Variants in LSM11 observed in about 807,000 individuals in gnomAD.
The protein encoded by LSM11 is LSM11, U7 small nuclear RNA associated.
Under a neutral mutation model 28.1 loss-of-function variants are expected in LSM11, and 14 were observed. That is an observed-to-expected ratio of 0.50 (90% confidence interval 0.33 to 0.78). LSM11 has a LOEUF of 0.78. LSM11 is among the 30% of genes least tolerant of loss of function. The pLI is 0.02. For synonymous variants in LSM11, 207 were observed against 214.2 expected (o/e 0.97, Z 0.30); for missense variants, 495 against 510.6 (o/e 0.97, Z 0.30).
intron 2 of LSM11, among the ~76,000 whole-genome samples, chr5:157,751,760 G>C (rs1360830276): frequency 2.0e-5 from 3 of 152,102 alleles, no homozygotes; most frequent in African/African-American, 7.2e-5. Context: ...TCACTCCCAG[G>C]AACATTCATC....
At chr5:157,752,711 T>G (rs1347052354) in intron 2 of LSM11, among the ~76,000 whole-genome samples, 1 of 151,460 alleles carries the variant, frequency 6.6e-6, no homozygotes, top group Non-Finnish European at 1.5e-5. Flanking sequence ...CCAGACATGG[T>G]GGCACAAGCT....
intron 1 of LSM11, among the ~76,000 whole-genome samples, chr5:157,750,849 T>G (rs540545677): frequency 6.6e-6 from 1 of 152,264 alleles, no homozygotes; most frequent in South Asian, 2.1e-4. Flanking sequence ...TGGTGCGATC[T>G]CGGCTCACTG....
chr5:157,746,320 G>T (rs1427323498), intron 1 of LSM11, among the ~76,000 whole-genome samples: 5 of 152,138 alleles, frequency 3.3e-5, no homozygotes, highest in Admixed American at 3.3e-4. Context: ...GTTCCATCAG[G>T]CTGTAACAGC....
rs752588261 is a variant in LSM11, at chr5:157,744,170, G to C, written c.420G>C (p.Ala140=). The part of the protein sequence containing the change: ...GRRGPGRSRK[A]PRNVLTRMPL... ...GGGGTCCGGGTCGGAGCAGGAAGGCGCCACGCAACGTGCTCACGCGAATGC... is the reference window on the plus strand; with the variant it reads ...GGGGTCCGGGTCGGAGCAGGAAGGCCCCACGCAACGTGCTCACGCGAATGC... Residue 140 remains alanine (A), a synonymous_variant, in exon 1 of 4, where the codon GCG becomes GCC. Transcript: ENST00000286307. 23 of 1,372,410 alleles carry C rather than the reference G, an allele frequency of 1.7e-5. No homozygotes were observed. In the South Asian group the frequency reaches 3.8e-4, roughly 23 times the overall value. The allele number at this position is 1,372,410 out of a possible 1,614,324, so 85.0% of individuals were successfully genotyped here.
At chr5:157,747,057 G>T (rs1761159302) in intron 1 of LSM11, among the ~76,000 whole-genome samples, 2 of 152,208 alleles carry the variant, frequency 1.3e-5, no homozygotes, top group South Asian at 4.1e-4. Flanking sequence ...AGCTGTACTT[G>T]CAAGTGGAAT....
At chr5:157,754,525 C>G (rs1387610543) in intron 3 of LSM11, among the ~76,000 whole-genome samples, 1 of 151,844 alleles carries the variant, frequency 6.6e-6, no homozygotes, top group African/African-American at 2.4e-5. Context: ...AACCCCATCT[C>G]TACTAAAAAT....
chr5:157,752,652 C>A (rs550081972), intron 2 of LSM11, among the ~76,000 whole-genome samples: 77 of 151,542 alleles, frequency 5.1e-4, no homozygotes, highest in African/African-American at 1.8e-3. Flanking sequence ...TCAAGACCAG[C>A]CTGGCCAACA....
At chr5:157,750,696 T>C (rs915334244) in intron 1 of LSM11, among the ~76,000 whole-genome samples, 3 of 152,212 alleles carry the variant, frequency 2.0e-5, no homozygotes, top group Non-Finnish European at 2.9e-5. Context: ...AGACTCAAGC[T>C]GGATATGTGA....
chr5:157,743,775 A>C lies in LSM11; in HGVS notation c.25A>C (p.Arg9=). ...CATGGAGGAGCGGGAGCGGGGGGCG[A>C]GGTCGGCTGGCGCCGGGAGCCCCGC... is the stretch of plus-strand genomic sequence containing the variant. MEERERGA[R]SAGAGSPARP... is the part of the protein sequence containing the mutation. Residue 9 remains arginine (R), a synonymous_variant, in exon 1 of 4, where the codon AGG becomes CGG. Transcript: ENST00000286307. The C allele has an allele frequency of 1.4e-6, 2 of 1,414,116 alleles. No individual in the cohort carries two copies. Among genetic ancestry groups the C allele is most frequent in the Non-Finnish European group, 1.8e-6 (2 of 1,086,254 alleles). The allele number at this position is 1,414,116 out of a possible 1,614,324, so 87.6% of individuals were successfully genotyped here. A position where few individuals can be genotyped will look rare whatever the true frequency, so the allele number is the denominator to read the frequency against.
rs552318060 is a variant in LSM11 at position 157,750,037 on chromosome 5, T to G, written c.449-1353T>G. On this transcript the variant is annotated intron_variant, in intron 1 of 3. Transcript: ENST00000286307. ...CTAAGACCTGACCAAAAATAAACTT[T>G]CTACAGAATTTTGCGTTGCAAACTT... Among the ~76,000 whole-genome samples the G allele has an allele frequency of 2.6e-5, 4 of 152,328 alleles. No homozygotes were observed. The East Asian group carries it at 7.7e-4, about 29-fold the overall frequency.
intron 1 of LSM11, among the ~76,000 whole-genome samples, chr5:157,749,527 ACAATGCTT>A (rs1303183727): frequency 6.6e-6 from 1 of 152,228 alleles, no homozygotes; most frequent in African/African-American, 2.4e-5. Context: ...AAAATTGTTT[ACAATGCTT>A]GAATGCTTGA....
At chr5:157,744,630 C>T (rs1006089977) in intron 1 of LSM11, among the ~76,000 whole-genome samples, 1 of 151,858 alleles carries the variant, frequency 6.6e-6, no homozygotes, top group Admixed American at 6.6e-5. Context: ...GATGAGAGGT[C>T]TTAGAGACCA....
chr5:157,751,463 C>T lies in LSM11; in HGVS notation c.522C>T (p.Arg174=). The change falls in exon 2 of 4, where the codon CGC becomes CGT. Residue 174 remains arginine (R), a synonymous_variant. Coordinates refer to ENST00000286307, the MANE Select transcript of LSM11 (RefSeq NM_173491.4). ...GGGTGAAGGTGAATGTTCACATCCG[C>T]ACTTTCAAGGGACTTCGGGGCGTCT... The part of the protein sequence containing the change: ...REGVKVNVHI[R]TFKGLRGVCT... The T allele has an allele frequency of 6.2e-7, 1 of 1,613,172 alleles. No homozygotes were observed. Among genetic ancestry groups the T allele is most frequent in the Non-Finnish European group, 8.5e-7 (1 of 1,179,686 alleles).
In LSM11 at chr5:157,749,582, ACGCG is replaced by A. The variant is rs141020732; in HGVS notation, c.449-1804_449-1801del. 4.3e-3 allele frequency among the ~76,000 whole-genome samples: 526 copies of A among 121,996 alleles called. 1 individual carries two copies. Among genetic ancestry groups the A allele is most frequent in the African/African-American group, 0.014 (478 of 33,854 alleles). The allele number at this position is 121,996 out of a possible 152,430, so 80.0% of individuals were successfully genotyped here. A position where few individuals can be genotyped will look rare whatever the true frequency, so the allele number is the denominator to read the frequency against. ...CTATAACACATATACACGCGCGCGC[ACGCG>A]CGCACACACACACACACACACCCAC... On this transcript the variant is annotated intron_variant, in intron 1 of 3. Transcript: ENST00000286307.
Position 157,755,431 on chromosome 5 carries a change from C to T in LSM11, c.*167C>T, listed in dbSNP as rs552903092. On this transcript the variant is annotated 3_prime_UTR_variant, in exon 4 of 4. Transcript: ENST00000286307. ...CTGGAAGATGAGCTCAAGGGGAGGA[C>T]AGGCCTTGGGAGGGCAGGCGTTTGC... The T allele has an allele frequency of 2.0e-4, 147 of 731,450 alleles. No homozygotes were observed. In the African/African-American group the frequency reaches 2.2e-3, roughly 11 times the overall value. 45.3% of individuals were successfully genotyped at this position (731,450 alleles called of 1,614,324 possible).
In LSM11 at chr5:157,758,787, A is replaced by G. The variant is rs907716857; in HGVS notation, c.*3523A>G. 6 of 152,260 alleles carry G rather than the reference A, an allele frequency of 3.9e-5. No homozygotes were observed. Among genetic ancestry groups the G allele is most frequent in the Non-Finnish European group, 7.3e-5 (5 of 68,048 alleles). The allele number at this position is 152,260 out of a possible 1,614,324, so 9.4% of individuals were successfully genotyped here. The stretch of plus-strand genomic sequence containing the variant: ...TGGGAATATGTTTTCAAGACAATTT[A>G]TAGGACATACTTATGTAGTTGGTGA... On this transcript the variant is annotated 3_prime_UTR_variant, in exon 4 of 4. Coordinates refer to ENST00000286307, the MANE Select transcript of LSM11 (RefSeq NM_173491.4).
chr5:157,746,089 A>G (rs1055486251), intron 1 of LSM11, among the ~76,000 whole-genome samples: 4 of 151,950 alleles, frequency 2.6e-5, no homozygotes, highest in African/African-American at 9.7e-5. Context: ...GAAGGGGGGA[A>G]AAAAAAGAAC....
rs891168159 is a variant in LSM11, at chr5:157,755,602, G to A, written c.*338G>A. On this transcript the variant is annotated 3_prime_UTR_variant, in exon 4 of 4. Transcript: ENST00000286307. ...GGAATTTACATTTTAGATACTATAG[G>A]GGAAAGAAAAGTCTCAAAAAGAAGT... 9.1e-6 allele frequency: 4 copies of A among 440,482 alleles called. No homozygotes were observed. The highest frequency in any genetic ancestry group is 4.0e-5 in the African/African-American group (2 of 49,538). 27.3% of individuals were successfully genotyped at this position (440,482 alleles called of 1,614,324 possible).
In LSM11 at chr5:157,755,802, A is replaced by C. The variant is rs1056292262; in HGVS notation, c.*538A>C. 6.2e-5 allele frequency: 25 copies of C among 401,234 alleles called. No individual in the cohort carries two copies. Among genetic ancestry groups the C allele is most frequent in the African/African-American group, 6.2e-5 (3 of 48,562 alleles). 24.9% of individuals were successfully genotyped at this position (401,234 alleles called of 1,614,324 possible). A position where few individuals can be genotyped will look rare whatever the true frequency, so the allele number is the denominator to read the frequency against. ...ATATTATCTTTGAATATCTACAAGG[A>C]AAGTTACCAACTTATGTAGGGGTGA... is the stretch of plus-strand genomic sequence containing the variant. On this transcript the variant is annotated 3_prime_UTR_variant, in exon 4 of 4. Coordinates refer to ENST00000286307, the MANE Select transcript of LSM11 (RefSeq NM_173491.4).
Sources: allele counts gnomAD v4.1 joint callset (sites outside exome capture counted in the v4.1 genomes callset), GRCh38; gene constraint gnomAD v4.1.1; transcripts MANE v1.5; gene names NCBI Gene and HGNC (gene_info 2026-07-23, HGNC 2026-07-21).